The following TMEM272 variants were observed in gnomAD, a reference collection of about 807,000 sequenced individuals.
TMEM272 encodes the protein long intergenic non-protein coding RNA 282.
TMEM272 carries 8 observed loss-of-function variants against 3.7 expected under a neutral mutation model. That is an observed-to-expected ratio of 2.17 (90% CI 1.27 to 3.91). The LOEUF is 3.91. TMEM272 is among the 30% of genes most tolerant of loss of function. The probability of loss-of-function intolerance (pLI) is 0.00; values close to 1 mark genes in which losing one functional copy is unlikely to be tolerated. For missense variants in TMEM272, 166 were observed against 91.5 expected, an observed-to-expected ratio of 1.81 and a Z score of -3.32; for synonymous variants, 63 against 39.8, an observed-to-expected ratio of 1.58 and a Z score of -2.20.
the TMEM272 span, chr13:51,932,629 C>T: frequency 2.0e-5 from 3 of 152,176 alleles, no homozygotes; most frequent in African/African-American, 2.4e-5. Flanking sequence ...GAAGACAAGA[C>T]GGCACTGGCC....
chr13:51,857,830 A>G, the TMEM272 span, among the ~76,000 whole-genome samples: 16 of 152,252 alleles, frequency 1.1e-4, no homozygotes, highest in Non-Finnish European at 1.9e-4. Context: ...ATTGTATTAC[A>G]GTAGAAAAAA....
the TMEM272 span, among the ~76,000 whole-genome samples, chr13:51,915,073 G>A: frequency 4.6e-5 from 7 of 152,164 alleles, no homozygotes; most frequent in Admixed American, 3.9e-4. Flanking sequence ...ATATTGAAGA[G>A]CTGGAAAGTA....
the TMEM272 span, among the ~76,000 whole-genome samples, chr13:51,923,369 G>T: frequency 5.9e-5 from 9 of 152,314 alleles, no homozygotes; most frequent in South Asian, 1.0e-3. Context: ...GACCTGACAG[G>T]CTTCACTGCC....
intron 3 of TMEM272, 144 bp from the exon 4 acceptor site, chr13:51,822,281 T>C: frequency 3.4e-6 from 2 of 583,972 alleles, no homozygotes; most frequent in South Asian, 2.1e-5. Context: ...GCCTCACCAG[T>C]CACCTGATCC....
intron 2 of TMEM272, among the ~76,000 whole-genome samples, chr13:51,828,363 C>T (rs73494177): frequency 3.3e-5 from 5 of 152,322 alleles, no homozygotes; most frequent in African/African-American, 9.6e-5. Context: ...GGGAGCCTCA[C>T]GTGCACACCA....
the TMEM272 span, among the ~76,000 whole-genome samples, chr13:51,863,745 T>TTCCTAA: frequency 2.0e-5 from 3 of 151,586 alleles, no homozygotes; most frequent in African/African-American, 7.3e-5. Context: ...CCACTCCCTG[T>TTCCTAA]TCCTAAACCA....
intron 2 of TMEM272, among the ~76,000 whole-genome samples, chr13:51,834,312 A>G (rs1956197232): frequency 6.6e-6 from 1 of 152,032 alleles, no homozygotes; most frequent in African/African-American, 2.4e-5. Context: ...TAGAGGAAAT[A>G]ATGGCTTACC....
the TMEM272 span, among the ~76,000 whole-genome samples, chr13:51,927,184 T>C: frequency 6.6e-5 from 10 of 152,136 alleles, no homozygotes; most frequent in Non-Finnish European, 1.3e-4. Flanking sequence ...AAGGAGAAAA[T>C]GGAAGTTTAT....
chr13:51,919,311 C>G, the TMEM272 span, among the ~76,000 whole-genome samples: 1 of 152,208 alleles, frequency 6.6e-6, no homozygotes, highest in Non-Finnish European at 1.5e-5. Context: ...CCCTGACCCA[C>G]TACCCAGATT....
chr13:51,826,127 C>T (rs1034367163), intron 3 of TMEM272, among the ~76,000 whole-genome samples: 8 of 130,584 alleles, frequency 6.1e-5, no homozygotes, highest in African/African-American at 2.5e-4. Flanking sequence ...AATATTTACT[C>T]ATTCATTCAG....
chr13:51,822,624 C>T (rs1956089724), intron 3 of TMEM272, among the ~76,000 whole-genome samples: 1 of 152,198 alleles, frequency 6.6e-6, no homozygotes, highest in Non-Finnish European at 1.5e-5. Context: ...GGAGGAGCCG[C>T]TCTTCCTCCC....
At chr13:51,880,033 T>C in the TMEM272 span, among the ~76,000 whole-genome samples, 1 of 152,230 alleles carries the variant, frequency 6.6e-6, no homozygotes, top group Admixed American at 6.5e-5. Flanking sequence ...TCATTGTTCT[T>C]CCCTTTAACA....
the TMEM272 span, among the ~76,000 whole-genome samples, chr13:51,899,948 T>C: frequency 6.6e-6 from 1 of 152,170 alleles, no homozygotes; most frequent in African/African-American, 2.4e-5. Context: ...GATATTCACC[T>C]ATAAAAGAAT....
At chr13:51,898,970 G>A in the TMEM272 span, among the ~76,000 whole-genome samples, 1 of 151,988 alleles carries the variant, frequency 6.6e-6, no homozygotes, top group South Asian at 2.1e-4. Flanking sequence ...GCTGATCACT[G>A]CTGGCCTTGT....
the TMEM272 span, chr13:51,865,744 G>A: frequency 1.2e-6 from 2 of 1,614,110 alleles, no homozygotes; most frequent in Non-Finnish European, 1.7e-6. Flanking sequence ...AAACTTTCTG[G>A]AAAAAGTACC....
chr13:51,924,268 C>T, the TMEM272 span, among the ~76,000 whole-genome samples: 1 of 152,250 alleles, frequency 6.6e-6, no homozygotes, highest in Non-Finnish European at 1.5e-5. Context: ...AAAACACCCC[C>T]TCAGGCCTGG....
chr13:51,913,769 A>G, the TMEM272 span, among the ~76,000 whole-genome samples: 4 of 152,128 alleles, frequency 2.6e-5, no homozygotes, highest in African/African-American at 9.7e-5. Flanking sequence ...TGTCTGCAGT[A>G]CAAACATCTG....
the TMEM272 span, chr13:51,921,382 G>C: frequency 6.6e-6 from 1 of 152,248 alleles, no homozygotes; most frequent in African/African-American, 2.4e-5. Context: ...GGCTCCCAAA[G>C]TCTCACAGAA....
chr13:51,896,879 T>C, the TMEM272 span, among the ~76,000 whole-genome samples: 1 of 152,160 alleles, frequency 6.6e-6, no homozygotes, highest in African/African-American at 2.4e-5. Context: ...TCTGAATCAC[T>C]GGGGTAGGAC....
Sources: allele counts gnomAD v4.1 joint callset (sites outside exome capture counted in the v4.1 genomes callset), GRCh38; gene constraint gnomAD v4.1.1; transcripts MANE v1.5; gene names NCBI Gene and HGNC (gene_info 2026-07-23, HGNC 2026-07-21).